The following KLF15 variants were observed in gnomAD, a reference collection of about 807,000 sequenced individuals.
KLF15 encodes the protein Krueppel-like factor 15.
In KLF15, 4 loss-of-function variants were observed where a neutral mutation model predicts 24.6. The ratio of observed to expected loss-of-function variants is 0.16; its 90% confidence interval spans 0.08 to 0.37. The LOEUF (loss-of-function observed/expected upper bound fraction) is 0.37, where lower values mean the gene tolerates loss of function less well. Ranked by LOEUF, KLF15 falls within the 10% of genes least tolerant of loss-of-function variation. KLF15 has a pLI of 1.00. For synonymous variants in KLF15, 246 were observed against 236.3 expected (o/e 1.04, Z -0.37); for missense variants, 496 against 560.6 (o/e 0.88, Z 1.16).
At chr3:126,292,683 G>A in the KLF15 span, among the ~76,000 whole-genome samples, 1 of 152,132 alleles carries the variant, frequency 6.6e-6, no homozygotes, top group African/African-American at 2.4e-5. Context: ...GAGCAGCAGT[G>A]GGGGAGGTGT....
At chr3:126,322,127 T>G in the KLF15 span, among the ~76,000 whole-genome samples, 1 of 152,228 alleles carries the variant, frequency 6.6e-6, no homozygotes. Context: ...CTTCAGGGAC[T>G]TGGTGTTTTT....
At chr3:126,341,960 G>A (rs1043598937), downstream of KLF15, among the ~76,000 whole-genome samples, 8 of 152,210 alleles carry the variant, frequency 5.3e-5, no homozygotes, top group African/African-American at 1.9e-4. Context: ...TTCCCTGTGG[G>A]GCTCATAGCC....
chr3:126,289,160 C>T, the KLF15 span, among the ~76,000 whole-genome samples: 1 of 152,108 alleles, frequency 6.6e-6, no homozygotes, highest in Non-Finnish European at 1.5e-5. Flanking sequence ...ATCTTCTTAC[C>T]ATTTGCAAGA....
chr3:126,331,224 G>T, the KLF15 span, among the ~76,000 whole-genome samples: 1 of 152,148 alleles, frequency 6.6e-6, no homozygotes, highest in Non-Finnish European at 1.5e-5. Context: ...AGGAGTGATG[G>T]CATAAGAGGA....
chr3:126,316,536 T>TGGGCCGGGGTAGGGGAGGGAGTACAC, the KLF15 span, among the ~76,000 whole-genome samples: 1 of 112,182 alleles, frequency 8.9e-6, no homozygotes, highest in Non-Finnish European at 1.7e-5. Flanking sequence ...AGGGAGTACA[T>TGGGCCGGGGTAGGGGAGGGAGTACAC]GGGCCGGAGT....
chr3:126,350,419 G>C (rs139970898), intron 2 of KLF15, among the ~76,000 whole-genome samples: 161 of 152,318 alleles, frequency 1.1e-3, no homozygotes, highest in African/African-American at 3.8e-3. Flanking sequence ...CCTCACTCAG[G>C]AGGGGCCTCC....
chr3:126,305,774 G>T, the KLF15 span, among the ~76,000 whole-genome samples: 4 of 152,228 alleles, frequency 2.6e-5, no homozygotes, highest in Non-Finnish European at 4.4e-5. Flanking sequence ...CATCTTAAAG[G>T]TGAAAGATTT....
At chr3:126,351,418 G>C (rs1222699918) in intron 2 of KLF15, among the ~76,000 whole-genome samples, 1 of 152,210 alleles carries the variant, frequency 6.6e-6, no homozygotes, top group Non-Finnish European at 1.5e-5. Context: ...CAAGTACCTG[G>C]CCAGTCGGAG....
intron 2 of KLF15, among the ~76,000 whole-genome samples, chr3:126,348,265 A>C (rs142301750): frequency 6.6e-6 from 1 of 152,314 alleles, no homozygotes; most frequent in Non-Finnish European, 1.5e-5. Flanking sequence ...ATGCCTACTA[A>C]TTTTGAGAAT....
chr3:126,328,664 C>CA, the KLF15 span, among the ~76,000 whole-genome samples: 2 of 151,016 alleles, frequency 1.3e-5, no homozygotes, highest in Non-Finnish European at 3.0e-5. Flanking sequence ...AATTATCCTC[C>CA]AAAAAAAAAT....
the KLF15 span, chr3:126,288,496 GA>G: frequency 1.3e-5 from 2 of 152,312 alleles, no homozygotes; most frequent in African/African-American, 2.4e-5. Context: ...AGTCGCCCCC[GA>G]GCCTGCTTCT....
intron 2 of KLF15, among the ~76,000 whole-genome samples, chr3:126,347,799 G>A (rs1434705661): frequency 6.6e-6 from 1 of 152,208 alleles, no homozygotes; most frequent in Non-Finnish European, 1.5e-5. Flanking sequence ...GCAGAAGGAA[G>A]TGGAGGCTGA....
the KLF15 span, among the ~76,000 whole-genome samples, chr3:126,313,605 C>T: frequency 6.6e-6 from 1 of 152,322 alleles, no homozygotes; most frequent in South Asian, 2.1e-4. Flanking sequence ...CTGACTTGCC[C>T]TGGACTTCCT....
chr3:126,297,616 C>T, the KLF15 span, among the ~76,000 whole-genome samples: 4 of 152,174 alleles, frequency 2.6e-5, no homozygotes, highest in Admixed American at 1.3e-4. Context: ...TCTCCCCACA[C>T]GTCCCCAAAG....
the KLF15 span, among the ~76,000 whole-genome samples, chr3:126,295,377 G>A: frequency 1.3e-5 from 2 of 152,168 alleles, no homozygotes; most frequent in African/African-American, 2.4e-5. Flanking sequence ...TGAGGGCAAC[G>A]CTGGGAACTA....
At chr3:126,315,584 G>T in the KLF15 span, among the ~76,000 whole-genome samples, 1 of 152,096 alleles carries the variant, frequency 6.6e-6, no homozygotes, top group African/African-American at 2.4e-5. Flanking sequence ...GGGAGGGGAG[G>T]GATAGAAGGC....
intron 1 of KLF15, among the ~76,000 whole-genome samples, chr3:126,353,363 C>G (rs549820413): frequency 1.5e-4 from 23 of 152,288 alleles, no homozygotes; most frequent in African/African-American, 5.3e-4. Flanking sequence ...GACTCCTGAC[C>G]TCAGCTTCAC....
chr3:126,310,873 T>C, the KLF15 span, among the ~76,000 whole-genome samples: 1 of 152,196 alleles, frequency 6.6e-6, no homozygotes, highest in Non-Finnish European at 1.5e-5. Flanking sequence ...CAGCTCACAA[T>C]GGGGCTTCCA....
intron 2 of KLF15, among the ~76,000 whole-genome samples, chr3:126,346,204 G>A (rs111413182): frequency 1.3e-5 from 2 of 152,304 alleles, no homozygotes; most frequent in African/African-American, 4.8e-5. Context: ...CTGCAGCTGG[G>A]CACACAGCTT....
Sources: gnomAD v4.1 joint callset for allele counts (sites outside exome capture counted in the v4.1 genomes callset) on GRCh38, gnomAD v4.1.1 for gene constraint, MANE v1.5 for transcripts, NCBI Gene and HGNC (gene_info 2026-07-23, HGNC 2026-07-21) for gene names.